Variants in RPA1 observed in about 807,000 individuals in gnomAD.
The protein encoded by RPA1 is replication protein A1.
In RPA1, 49 loss-of-function variants were observed where a neutral mutation model predicts 83.0. The observed-to-expected ratio is 0.59, with a 90% CI of 0.47 to 0.75. The LOEUF (loss-of-function observed/expected upper bound fraction) is 0.75, where lower values mean the gene tolerates loss of function less well. RPA1 is among the 30% of genes least tolerant of loss of function. The pLI is 0.00. For missense variants in RPA1, 693 were observed against 776.1 expected (o/e 0.89, Z 1.27); for synonymous variants, 279 against 281.8 (o/e 0.99, Z 0.10).
chr17:1,860,118 A>G (rs1912887617), intron 5 of RPA1, among the ~76,000 whole-genome samples: 1 of 151,866 alleles, frequency 6.6e-6, no homozygotes, highest in Admixed American at 6.6e-5. Flanking sequence ...GCCTAATTTT[A>G]TTTTTTGTGG....
rs17292231 is a variant in RPA1, at chr17:1,883,675, C to T, written c.1242-137C>T. The T allele has an allele frequency of 3.1e-3, 2,528 of 803,158 alleles. 44 individuals carry two copies. The African/African-American group carries it at 0.033, about 10-fold the overall frequency. 49.8% of individuals were successfully genotyped at this position (803,158 alleles called of 1,614,324 possible). On this transcript the variant is annotated intron_variant, in intron 12 of 16. Transcript: ENST00000254719. The stretch of plus-strand genomic sequence containing the variant: ...TAATTACGAAGATACCAGCTTCAGC[C>T]GACATGACCGTGACCTGTGTGAAAG...
rs778547004 is a variant in RPA1, at chr17:1,881,184, A to G, written c.1241+493A>G. 3.9e-5 allele frequency among the ~76,000 whole-genome samples: 6 copies of G among 152,330 alleles called. No homozygotes were observed. In the South Asian group the frequency reaches 8.3e-4, roughly 21 times the overall value. On this transcript the variant is annotated intron_variant, in intron 12 of 16. Coordinates refer to ENST00000254719, the MANE Select transcript of RPA1 (RefSeq NM_002945.5). The stretch of plus-strand genomic sequence containing the variant: ...TTATTCCCAAAGCACTCAAGGGATG[A>G]GGAGAGCCTGTTAAAATCTCCTCAC...
chr17:1,871,635 A>G (rs540972257), intron 5 of RPA1, among the ~76,000 whole-genome samples: 11 of 152,342 alleles, frequency 7.2e-5, no homozygotes, highest in African/African-American at 2.6e-4. Context: ...CTGTTATTTC[A>G]CAAAATGAGG....
intron 12 of RPA1, among the ~76,000 whole-genome samples, chr17:1,881,790 A>G (rs969371502): frequency 2.0e-5 from 3 of 152,224 alleles, no homozygotes; most frequent in African/African-American, 7.2e-5. Context: ...GGCATTGATC[A>G]AAGACAAGCT....
rs562165085 is a variant in RPA1 at position 1,862,509 on chromosome 17, T to A, written c.361+9320T>A. ...ATCTTGGCTCACTGCAACCTCCACC[T>A]CCCAGTTCAAGCTATCCTCATGCCT... On this transcript the variant is annotated intron_variant, in intron 5 of 16. Coordinates refer to ENST00000254719, the MANE Select transcript of RPA1 (RefSeq NM_002945.5). Among the ~76,000 whole-genome samples the A allele has an allele frequency of 7.4e-5, 11 of 148,146 alleles. No individual in the cohort carries two copies. The East Asian group carries it at 2.0e-3, about 27-fold the overall frequency.
intron 4 of RPA1, among the ~76,000 whole-genome samples, chr17:1,848,833 G>A (rs1420102875): frequency 6.6e-6 from 1 of 152,014 alleles, no homozygotes; most frequent in East Asian, 2.0e-4. Context: ...CAAAGTCCTA[G>A]GATTACAGGT....
Position 1,853,176 on chromosome 17 carries a change from G to T in RPA1, c.348G>T (p.Val116=), listed in dbSNP as rs1396193345. The T allele has an allele frequency of 6.2e-7, 1 of 1,613,816 alleles. No individual in the cohort carries two copies. The highest frequency in any genetic ancestry group is 2.2e-5 in the East Asian group (1 of 44,876). The change falls in exon 5 of 17, where the codon GTG becomes GTT. Residue 116 remains valine, a synonymous_variant. Coordinates refer to ENST00000254719, the MANE Select transcript of RPA1 (RefSeq NM_002945.5). ...EAVGVKIGNP[V]PYNEGLGQPQ... is the part of the protein sequence containing the mutation. ...TTGGAGTGAAGATTGGCAATCCAGT[G>T]CCCTATAATGAAGGTAAAATGCTTT...
chr17:1,878,987 C>T lies in RPA1; in HGVS notation c.691-6C>T. On this transcript the variant is annotated splice_polypyrimidine_tract_variant and splice_region_variant and intron_variant, in intron 8 of 16. Transcript: ENST00000254719. ...GCAGCCCTAACCTGCCCACGTGCTT[C>T]TGCAGGGTGAAATCCGAGCTACAGC... is the stretch of plus-strand genomic sequence containing the variant. The T allele has an allele frequency of 1.2e-6, 2 of 1,614,198 alleles. No individual in the cohort carries two copies. Among genetic ancestry groups the T allele is most frequent in the Middle Eastern group, 1.6e-4 (1 of 6,062 alleles).
chr17:1,852,094 C>T (rs528663542), intron 4 of RPA1, among the ~76,000 whole-genome samples: 3 of 152,288 alleles, frequency 2.0e-5, no homozygotes, highest in African/African-American at 7.2e-5. Flanking sequence ...TCCCTGCCTC[C>T]AGTCATGTTC....
intron 5 of RPA1, among the ~76,000 whole-genome samples, chr17:1,863,766 GGTT>G (rs1913075647): frequency 6.6e-6 from 1 of 152,132 alleles, no homozygotes; most frequent in Admixed American, 6.5e-5. Context: ...ATTTTCAAAT[GGTT>G]GTTATGTTTT....
In RPA1 at chr17:1,877,331, C is replaced by T. The variant is rs2151286140; in HGVS notation, c.690+17C>T. 1 of 1,610,234 alleles carries T rather than the reference C, an allele frequency of 6.2e-7. No homozygotes were observed. Among genetic ancestry groups the T allele is most frequent in the Non-Finnish European group, 8.5e-7 (1 of 1,177,116 alleles). ...GACGAAAGTGTGAGTGTTTGTCATG[C>T]TGGGGAGTGAGGGCAGTGGGCTCGC... is the stretch of plus-strand genomic sequence containing the variant. On this transcript the variant is annotated intron_variant, in intron 8 of 16. Coordinates refer to ENST00000254719, the MANE Select transcript of RPA1 (RefSeq NM_002945.5).
intron 4 of RPA1, among the ~76,000 whole-genome samples, chr17:1,846,104 CAAT>C (rs1394959298): frequency 6.6e-6 from 1 of 152,078 alleles, no homozygotes; most frequent in African/African-American, 2.4e-5. Flanking sequence ...GGATTTCACT[CAAT>C]AACTTTTTTC....
At chr17:1,874,444 T>A (rs889020642) in intron 6 of RPA1, among the ~76,000 whole-genome samples, 3 of 152,166 alleles carry the variant, frequency 2.0e-5, no homozygotes, top group African/African-American at 7.2e-5. Flanking sequence ...AGTTTGAGGC[T>A]GCAGCGAGCT....
At chr17:1,871,853 T>TC (rs987159203) in intron 5 of RPA1, among the ~76,000 whole-genome samples, 1 of 152,172 alleles carries the variant, frequency 6.6e-6, no homozygotes, top group Admixed American at 6.5e-5. Flanking sequence ...CACCAGCACT[T>TC]CATGGTACTG....
chr17:1,859,949 G>A (rs1196708690), intron 5 of RPA1, among the ~76,000 whole-genome samples: 9 of 152,026 alleles, frequency 5.9e-5, no homozygotes, highest in African/African-American at 2.2e-4. Flanking sequence ...AGTAGCTAGG[G>A]CTACAGGCAC....
At chr17:1,850,997 CACAGT>C (rs1417305307) in intron 4 of RPA1, among the ~76,000 whole-genome samples, 1 of 152,080 alleles carries the variant, frequency 6.6e-6, no homozygotes, top group African/African-American at 2.4e-5. Context: ...AGACAGAATA[CACAGT>C]AGTCTGATGA....
In RPA1 at chr17:1,895,076, T is replaced by C. The variant is rs1169154697; in HGVS notation, c.1727T>C (p.Val576Ala). ...NFRSFIFRVR[V>A]KVETYNDESR... is the part of the protein sequence containing the mutation. The stretch of plus-strand genomic sequence containing the variant: ...CGATCTTTCATATTCAGAGTCAGGG[T>C]CAAAGTGGAGACCTACAACGTAAGT... The change falls in exon 16 of 17, where the codon GTC becomes GCC. Residue 576 changes from valine (V) to alanine (A), a missense_variant. Physicochemically the swap from Val to Ala is moderately conservative, Grantham distance 64. Transcript: ENST00000254719. The C allele has an allele frequency of 5.0e-6, 8 of 1,613,390 alleles. No individual in the cohort carries two copies. The African/African-American group carries it at 1.1e-4, about 22-fold the overall frequency.
chr17:1,877,548 G>A (rs956763526), intron 8 of RPA1, among the ~76,000 whole-genome samples: 11 of 152,204 alleles, frequency 7.2e-5, no homozygotes, highest in African/African-American at 2.4e-4. Context: ...ATAGTCTTTT[G>A]ATGCTGTCTG....
At chr17:1,893,875 T>C (rs927149403) in intron 15 of RPA1, among the ~76,000 whole-genome samples, 1 of 152,002 alleles carries the variant, frequency 6.6e-6, no homozygotes, top group Non-Finnish European at 1.5e-5. Context: ...TTTCTTTTTT[T>C]TGAGACAAGG....
Sources: gnomAD v4.1 joint callset for allele counts (sites outside exome capture counted in the v4.1 genomes callset) on GRCh38, gnomAD v4.1.1 for gene constraint, MANE v1.5 for transcripts, NCBI Gene and HGNC (gene_info 2026-07-23, HGNC 2026-07-21) for gene names.